Variants in LHFPL6 observed in about 807,000 individuals in gnomAD.
LHFPL6 encodes the protein LHFPL tetraspan subfamily member 6.
Under a neutral mutation model 20.6 loss-of-function variants are expected in LHFPL6, and 9 were observed. The ratio of observed to expected loss-of-function variants is 0.44; its 90% CI spans 0.26 to 0.76. The LOEUF (loss-of-function observed/expected upper bound fraction) is 0.76. Ranked by LOEUF, LHFPL6 falls within the 30% of genes least tolerant of loss-of-function variation. The probability of loss-of-function intolerance (pLI) is 0.20; values close to 1 mark genes in which losing one functional copy is unlikely to be tolerated. For missense variants in LHFPL6, 218 were observed against 253.5 expected, an observed-to-expected ratio of 0.86 and a Z score of 0.95; for synonymous variants, 105 against 98.7, an observed-to-expected ratio of 1.06 and a Z score of -0.38.
intron 2 of LHFPL6, among the ~76,000 whole-genome samples, chr13:39,447,526 T>C (rs2138418701): frequency 6.6e-6 from 1 of 152,258 alleles, no homozygotes; most frequent in Admixed American, 6.5e-5. Context: ...GTGTCCTAAA[T>C]GAAAAGCAGT....
At chr13:39,442,501 G>C (rs1159837730) in intron 2 of LHFPL6, among the ~76,000 whole-genome samples, 2 of 152,102 alleles carry the variant, frequency 1.3e-5, no homozygotes, top group Non-Finnish European at 2.9e-5. Context: ...GGGTCTGATG[G>C]GCACTGACTA....
At chr13:39,505,853 C>T (rs1869459298) in intron 2 of LHFPL6, among the ~76,000 whole-genome samples, 1 of 152,152 alleles carries the variant, frequency 6.6e-6, no homozygotes, top group Non-Finnish European at 1.5e-5. Context: ...TTCTAAATGA[C>T]ATTTTGTCTA....
At chr13:39,477,928 T>G (rs957486377) in intron 2 of LHFPL6, among the ~76,000 whole-genome samples, 1 of 152,224 alleles carries the variant, frequency 6.6e-6, no homozygotes, top group Non-Finnish European at 1.5e-5. Context: ...ATGACAATCA[T>G]GGTTAAACTT....
intron 2 of LHFPL6, among the ~76,000 whole-genome samples, chr13:39,411,560 T>C (rs1294717433): frequency 6.6e-6 from 1 of 152,210 alleles, no homozygotes; most frequent in African/African-American, 2.4e-5. Flanking sequence ...TATAATAGTG[T>C]TGTGTTTATC....
chr13:39,395,665 G>A (rs2138374591), intron 2 of LHFPL6, among the ~76,000 whole-genome samples: 1 of 152,302 alleles, frequency 6.6e-6, no homozygotes, highest in South Asian at 2.1e-4. Context: ...GTGCTGCTCA[G>A]CAGGTAGGAC....
chr13:39,452,599 C>A (rs1872479843), intron 2 of LHFPL6, among the ~76,000 whole-genome samples: 1 of 152,144 alleles, frequency 6.6e-6, no homozygotes. Flanking sequence ...GACAGGAGGA[C>A]TTTGTGCAGG....
rs113426698 is a variant in LHFPL6 at position 39,449,139 on chromosome 13, C to T, written c.386-70613G>A. ...ATCTCGGCTGCATGGGCCTCCAGCA[C>T]TCACAGATACAGACGTCCACATCAA... On this transcript the variant is annotated intron_variant, in intron 2 of 3. Coordinates refer to ENST00000379589, the MANE Select transcript of LHFPL6 (RefSeq NM_005780.3). 5.2e-3 allele frequency among the ~76,000 whole-genome samples: 794 copies of T among 152,344 alleles called. 6 individuals carry two copies. The highest frequency in any genetic ancestry group is 0.018 in the African/African-American group (745 of 41,586).
chr13:39,509,277 G>A (rs556395493), intron 2 of LHFPL6, among the ~76,000 whole-genome samples: 14 of 151,890 alleles, frequency 9.2e-5, no homozygotes, highest in Admixed American at 3.3e-4. Context: ...ATCCTTTATC[G>A]GGTATGTGAT....
chr13:39,570,619 C>CA (rs113513845), intron 2 of LHFPL6, among the ~76,000 whole-genome samples: 3,718 of 151,368 alleles, frequency 0.025, 158 homozygotes, highest in East Asian at 0.15. Flanking sequence ...GAATGATAAT[C>CA]AAAGAACTAA....
Position 39,601,329 on chromosome 13 carries a change from G to T in LHFPL6, c.-113C>A. The T allele has an allele frequency of 9.4e-7, 1 of 1,066,942 alleles. No homozygotes were observed. Among genetic ancestry groups the T allele is most frequent in the Non-Finnish European group, 1.3e-6 (1 of 763,454 alleles). 66.1% of individuals were successfully genotyped at this position (1,066,942 alleles called of 1,614,324 possible). A position where few individuals can be genotyped will look rare whatever the true frequency, so the allele number is the denominator to read the frequency against. ...AGATAATCCACAGTTCCGTAATGCA[G>T]AATGGATCTTCAGTCTTACTGGGCA... On this transcript the variant is annotated 5_prime_UTR_variant, in exon 2 of 4. In the 5' UTR this introduces an upstream ATG that the reference lacks. Coordinates refer to ENST00000379589, the MANE Select transcript of LHFPL6 (RefSeq NM_005780.3).
At chr13:39,422,111 A>C (rs377358808) in intron 2 of LHFPL6, among the ~76,000 whole-genome samples, 4 of 152,228 alleles carry the variant, frequency 2.6e-5, no homozygotes, top group African/African-American at 9.6e-5. Context: ...TTGCATTTAA[A>C]CATCCAATTG....
chr13:39,389,153 C>T (rs1190144331), intron 2 of LHFPL6, among the ~76,000 whole-genome samples: 3 of 152,248 alleles, frequency 2.0e-5, no homozygotes, highest in East Asian at 1.9e-4. Flanking sequence ...CCAAGTTGCC[C>T]GATTCTGTGC....
intron 2 of LHFPL6, among the ~76,000 whole-genome samples, chr13:39,549,091 T>C (rs1223091616): frequency 6.6e-6 from 1 of 152,088 alleles, no homozygotes; most frequent in Non-Finnish European, 1.5e-5. Flanking sequence ...TACAAAATGA[T>C]CAAAAGATTT....
chr13:39,504,858 T>A (rs1227693222), intron 2 of LHFPL6, among the ~76,000 whole-genome samples: 1 of 152,210 alleles, frequency 6.6e-6, no homozygotes, highest in Non-Finnish European at 1.5e-5. Flanking sequence ...TCATATATGC[T>A]GCCAAAACCG....
At chr13:39,378,558 AGT>A in intron 2 of LHFPL6, 32 bp from the exon 3 acceptor site, 6 of 1,512,432 alleles carry the variant, frequency 4.0e-6, no homozygotes, top group Non-Finnish European at 5.5e-6. Context: ...GGGCTTTACC[AGT>A]GCTTCTCTGC....
chr13:39,344,781 G>C (rs114559164), intron 3 of LHFPL6, among the ~76,000 whole-genome samples: 2 of 152,122 alleles, frequency 1.3e-5, no homozygotes, highest in Non-Finnish European at 2.9e-5. Flanking sequence ...TTATAAGGTA[G>C]AATACTAGCT....
chr13:39,469,877 C>G (rs1174376855), intron 2 of LHFPL6, among the ~76,000 whole-genome samples: 1 of 152,058 alleles, frequency 6.6e-6, no homozygotes, highest in African/African-American at 2.4e-5. Flanking sequence ...AGTTGTAGTC[C>G]CAGAGGCAGA....
intron 2 of LHFPL6, among the ~76,000 whole-genome samples, chr13:39,494,174 C>G (rs1869022679): frequency 6.6e-6 from 1 of 152,198 alleles, no homozygotes; most frequent in African/African-American, 2.4e-5. Context: ...TGTGCTGAAG[C>G]AATTACCCCT....
intron 3 of LHFPL6, among the ~76,000 whole-genome samples, chr13:39,345,705 C>T (rs941758318): frequency 2.0e-5 from 3 of 151,942 alleles, no homozygotes; most frequent in Non-Finnish European, 2.9e-5. Flanking sequence ...GAAACAATGC[C>T]TATGGCATAG....
Sources: allele counts gnomAD v4.1 joint callset (sites outside exome capture counted in the v4.1 genomes callset), GRCh38; gene constraint gnomAD v4.1.1; transcripts MANE v1.5; gene names NCBI Gene and HGNC (gene_info 2026-07-23, HGNC 2026-07-21).